TAF3: variants seen among roughly 807,000 people sequenced by gnomAD.
TAF3 encodes the protein transcription initiation factor TFIID subunit 3.
In TAF3, 7 loss-of-function variants were observed where a neutral mutation model predicts 80.6. That is an observed-to-expected ratio of 0.09 (90% CI 0.05 to 0.16). The LOEUF is 0.16. TAF3 is among the 10% of genes least tolerant of loss of function. The probability of loss-of-function intolerance (pLI) is 1.00; values close to 1 mark genes in which losing one functional copy is unlikely to be tolerated. For synonymous variants in TAF3, 444 were observed against 446.1 expected (o/e 1.00, Z 0.06); for missense variants, 921 against 1,140.2 (o/e 0.81, Z 2.77).
intron 4 of TAF3, among the ~76,000 whole-genome samples, chr10:7,989,807 A>C (rs1025055603): frequency 6.6e-6 from 1 of 152,172 alleles, no homozygotes; most frequent in Non-Finnish European, 1.5e-5. Flanking sequence ...TAGTTAGGTA[A>C]AAATGAGATG....
chr10:7,909,584 A>G (rs997296445), intron 2 of TAF3, among the ~76,000 whole-genome samples: 1 of 152,210 alleles, frequency 6.6e-6, no homozygotes, highest in African/African-American at 2.4e-5. Flanking sequence ...AGAGCCAAAT[A>G]TTTAGAAAGG....
chr10:7,977,773 AGAAAT>A (rs1831688312), intron 4 of TAF3, among the ~76,000 whole-genome samples: 1 of 152,270 alleles, frequency 6.6e-6, no homozygotes, highest in Non-Finnish European at 1.5e-5. Context: ...TGTAAAACAA[AGAAAT>A]GCCAAAGGCT....
intron 2 of TAF3, among the ~76,000 whole-genome samples, chr10:7,880,026 T>G (rs80096516): frequency 0.025 from 3,735 of 152,188 alleles, 87 homozygotes; most frequent in African/African-American, 0.062. Context: ...CTTGGGCATA[T>G]GGCAGAACCC....
chr10:7,847,762 A>T (rs1304777302), intron 2 of TAF3, among the ~76,000 whole-genome samples: 1 of 150,000 alleles, frequency 6.7e-6, no homozygotes, highest in African/African-American at 2.5e-5. Context: ...ATTCTTGTTA[A>T]AACTTCTTTT....
At chr10:8,011,278 T>C (rs1279936576) in intron 5 of TAF3, among the ~76,000 whole-genome samples, 2 of 152,086 alleles carry the variant, frequency 1.3e-5, no homozygotes, top group Admixed American at 1.3e-4. Context: ...TCTTTTGAGG[T>C]AGTCTCACTC....
At chr10:7,863,257 A>G (rs77185895) in intron 2 of TAF3, among the ~76,000 whole-genome samples, 1,602 of 152,222 alleles carry the variant, frequency 0.011, 25 homozygotes, top group African/African-American at 0.037. Flanking sequence ...CTGGGACTGC[A>G]TGGAACCCAT....
chr10:7,820,879 G>C (rs946411982), intron 1 of TAF3, among the ~76,000 whole-genome samples: 1 of 152,158 alleles, frequency 6.6e-6, no homozygotes, highest in African/African-American at 2.4e-5. Flanking sequence ...CTACTCTTCT[G>C]GCTTTTGTTT....
chr10:7,882,196 G>T (rs1160911806), intron 2 of TAF3, among the ~76,000 whole-genome samples: 1 of 152,136 alleles, frequency 6.6e-6, no homozygotes, highest in African/African-American at 2.4e-5. Flanking sequence ...CTAATCTGTG[G>T]CTTAGTGCAG....
intron 3 of TAF3, among the ~76,000 whole-genome samples, chr10:7,971,783 AG>A (rs1831625566): frequency 6.6e-6 from 1 of 152,190 alleles, no homozygotes; most frequent in African/African-American, 2.4e-5. Flanking sequence ...GAGCTTTATC[AG>A]TTGGTGCCCT....
intron 2 of TAF3, among the ~76,000 whole-genome samples, chr10:7,905,912 T>C (rs1184943307): frequency 1.3e-5 from 2 of 152,208 alleles, no homozygotes; most frequent in Non-Finnish European, 2.9e-5. Context: ...AAGATTCTGC[T>C]TTATGTATTT....
chr10:7,908,670 C>G (rs2131177613), intron 2 of TAF3, among the ~76,000 whole-genome samples: 1 of 152,334 alleles, frequency 6.6e-6, no homozygotes, highest in East Asian at 1.9e-4. Flanking sequence ...ACCAGAGCCA[C>G]AAAGCACATA....
intron 2 of TAF3, among the ~76,000 whole-genome samples, chr10:7,960,388 C>T (rs1372478563): frequency 1.3e-5 from 2 of 152,112 alleles, no homozygotes; most frequent in African/African-American, 4.8e-5. Context: ...TTGTAAAGAG[C>T]TGGATAGTAA....
At chr10:7,900,985 T>G (rs1205384682) in intron 2 of TAF3, among the ~76,000 whole-genome samples, 1 of 152,188 alleles carries the variant, frequency 6.6e-6, no homozygotes, top group East Asian at 1.9e-4. Flanking sequence ...ATGTAGATAT[T>G]TATAATTTCT....
chr10:7,960,117 G>A (rs1187962070), intron 2 of TAF3, among the ~76,000 whole-genome samples: 2 of 152,148 alleles, frequency 1.3e-5, no homozygotes, highest in Non-Finnish European at 2.9e-5. Flanking sequence ...TTCTGTTTTG[G>A]CATCATTGGG....
At position 7,981,459 on chromosome 10, in the gene TAF3, A is replaced by G. The variant is rs544304579; in HGVS notation, c.2315+4136A>G. 7.2e-5 allele frequency among the ~76,000 whole-genome samples: 11 copies of G among 152,344 alleles called. No homozygotes were observed. In the South Asian group the frequency reaches 2.1e-3, roughly 29 times the overall value. ...TTTTCTCTAATAAATATCTCATAATATATTGGATCAGGTGATATTGGAACC... is the reference window on the plus strand; with the variant it reads ...TTTTCTCTAATAAATATCTCATAATGTATTGGATCAGGTGATATTGGAACC... On this transcript the variant is annotated intron_variant, in intron 4 of 6. Coordinates refer to ENST00000344293, the MANE Select transcript of TAF3 (RefSeq NM_031923.4).
At chr10:7,878,544 G>C (rs765374162) in intron 2 of TAF3, among the ~76,000 whole-genome samples, 2 of 151,914 alleles carry the variant, frequency 1.3e-5, no homozygotes, top group African/African-American at 2.4e-5. Flanking sequence ...ACACACTTAG[G>C]GTATATTAAC....
chr10:7,995,677 G>A (rs1460874680), intron 4 of TAF3, among the ~76,000 whole-genome samples: 1 of 152,096 alleles, frequency 6.6e-6, no homozygotes, highest in African/African-American at 2.4e-5. Flanking sequence ...AATAGGTCAT[G>A]CCTGCATTAA....
rs1348973609 is a variant in TAF3, at chr10:7,865,465, T to C, written c.409+40905T>C. On this transcript the variant is annotated intron_variant, in intron 2 of 6. Transcript: ENST00000344293. Reference sequence around the variant, plus strand: ...CTGCACTCCAGCCTGGGGGACAGAGTGAGACTCCGTCTCAAACAAACAAAC... The same window carrying C: ...CTGCACTCCAGCCTGGGGGACAGAGCGAGACTCCGTCTCAAACAAACAAAC... 2.0e-5 allele frequency among the ~76,000 whole-genome samples: 3 copies of C among 148,578 alleles called. No individual in the cohort carries two copies. In the East Asian group the frequency reaches 5.9e-4, roughly 29 times the overall value.
chr10:7,826,023 T>C (rs1175981376), intron 2 of TAF3, among the ~76,000 whole-genome samples: 1 of 152,260 alleles, frequency 6.6e-6, no homozygotes, highest in African/African-American at 2.4e-5. Context: ...TCTACTTTAA[T>C]AGCATTTTGA....
Sources: gnomAD v4.1 joint callset for allele counts (sites outside exome capture counted in the v4.1 genomes callset) on GRCh38, gnomAD v4.1.1 for gene constraint, MANE v1.5 for transcripts, NCBI Gene and HGNC (gene_info 2026-07-23, HGNC 2026-07-21) for gene names.